Variants in MAK observed in about 807,000 individuals in gnomAD.
The protein encoded by MAK is male germ cell associated kinase, also known as serine/threonine-protein kinase MAK.
Under a neutral mutation model 82.6 loss-of-function variants are expected in MAK, and 65 were observed. The observed-to-expected ratio is 0.79, with a 90% CI of 0.64 to 0.97. The LOEUF (loss-of-function observed/expected upper bound fraction) is 0.97, where lower values mean the gene tolerates loss of function less well. MAK is among the 50% of genes least tolerant of loss of function. MAK has a pLI of 0.00. For missense variants in MAK, 703 were observed against 780.2 expected (o/e 0.90, Z 1.18); for synonymous variants, 250 against 274.2 (o/e 0.91, Z 0.87).
chr6:10,813,133 TAA>T (rs56804203), intron 5 of MAK, among the ~76,000 whole-genome samples: 141 of 1,000 alleles, frequency 0.14, 21 homozygotes, highest in South Asian at 0.6. Flanking sequence ...TATATATATA[TAA>T]ATTTTTTTTT....
chr6:10,830,124 C>CGTGTGTGT lies in MAK; in HGVS notation c.101+416_101+423dup, dbSNP rs35519970. 5.4e-3 allele frequency among the ~76,000 whole-genome samples: 768 copies of CGTGTGTGT among 141,576 alleles called. 8 individuals carry two copies. Among genetic ancestry groups the CGTGTGTGT allele is most frequent in the Admixed American group, 8.4e-3 (118 of 14,096 alleles). The allele number at this position is 141,576 out of a possible 152,430, so 92.9% of individuals were successfully genotyped here. On this transcript the variant is annotated intron_variant, in intron 2 of 14. Coordinates refer to ENST00000354489, the MANE Select transcript of MAK (RefSeq NM_001242957.3). ...AGCCACCGCACACAGCCTGTGTGCACGTGTGTGTGTGTGTGTGTGTGTGTG... is the reference window on the plus strand; with the variant it reads ...AGCCACCGCACACAGCCTGTGTGCACGTGTGTGTGTGTGTGTGTGTGTGTGTGTGTGTG...
chr6:10,832,681 T>G (rs908247252), intron 1 of MAK, among the ~76,000 whole-genome samples: 1 of 152,178 alleles, frequency 6.6e-6, no homozygotes, highest in Non-Finnish European at 1.5e-5. Context: ...GTAATTTTAG[T>G]AGAAACAGGG....
chr6:10,783,591 T>C (rs1774207858), intron 11 of MAK, among the ~76,000 whole-genome samples: 1 of 152,216 alleles, frequency 6.6e-6, no homozygotes, highest in Non-Finnish European at 1.5e-5. Context: ...CTTGTACCTC[T>C]GCCACTTCCA....
At chr6:10,806,350 A>ATTTTTT (rs2127561564) in intron 6 of MAK, among the ~76,000 whole-genome samples, 1 of 28,664 alleles carries the variant, frequency 3.5e-5, no homozygotes, top group Non-Finnish European at 1.0e-4. Context: ...TGTTTTTGAG[A>ATTTTTT]CAGAGTCTTG....
chr6:10,792,858 C>A (rs1775203736), intron 9 of MAK, among the ~76,000 whole-genome samples: 1 of 152,030 alleles, frequency 6.6e-6, no homozygotes, highest in South Asian at 2.1e-4. Context: ...ACAACAATCT[C>A]CAGAATAAAG....
chr6:10,787,036 A>G (rs1401412085), intron 10 of MAK, among the ~76,000 whole-genome samples: 1 of 131,324 alleles, frequency 7.6e-6, no homozygotes, highest in African/African-American at 3.5e-5. Context: ...CCTATTCACC[A>G]CTCCGCTAAT....
chr6:10,833,675 T>G (rs1778972375), intron 1 of MAK, among the ~76,000 whole-genome samples: 1 of 152,000 alleles, frequency 6.6e-6, no homozygotes. Context: ...TTACTTCATG[T>G]AGGTAACAAT....
intron 2 of MAK, among the ~76,000 whole-genome samples, chr6:10,830,259 G>A (rs895701478): frequency 5.4e-5 from 8 of 148,726 alleles, no homozygotes; most frequent in Middle Eastern, 3.8e-3. Context: ...TCCACCTCCT[G>A]GGTTCAAGCA....
At chr6:10,772,436 C>T (rs1190560740) in intron 13 of MAK, among the ~76,000 whole-genome samples, 3 of 151,884 alleles carry the variant, frequency 2.0e-5, no homozygotes, top group Admixed American at 6.6e-5. Context: ...CTCCGCCTCC[C>T]GGGTTCAAGC....
At chr6:10,829,291 T>A (rs1223326772) in intron 2 of MAK, 1 of 152,260 alleles carries the variant, frequency 6.6e-6, no homozygotes, top group African/African-American at 2.4e-5. Flanking sequence ...TTCTATTTCA[T>A]AAGTTCAGGA....
chr6:10,766,187 A>G (rs1004806838), intron 14 of MAK, among the ~76,000 whole-genome samples: 1 of 152,222 alleles, frequency 6.6e-6, no homozygotes, highest in African/African-American at 2.4e-5. Flanking sequence ...TAATACTGAA[A>G]TGAATCTGAC....
chr6:10,800,675 A>G lies in MAK; in HGVS notation c.831+1217T>C, dbSNP rs749146475. 6.6e-6 allele frequency among the ~76,000 whole-genome samples: 1 copy of G among 152,162 alleles called. No individual in the cohort carries two copies. Among genetic ancestry groups the G allele is most frequent in the South Asian group, 2.1e-4 (1 of 4,812 alleles). On this transcript the variant is annotated intron_variant, in intron 8 of 14. Transcript: ENST00000354489. This position sits in a 1 kb window ranked among gnomAD's most constrained non-coding sequence, Gnocchi z 4.2. ...ACCAACATGGAGAAACCCTGTCTCT[A>G]CTAAAAATACAAAATTAGCCAGGCG...
In MAK at chr6:10,796,214, T is replaced by G. The variant is rs1775544515; in HGVS notation, c.927A>C (p.Pro309=). Residue 309 remains proline, a synonymous_variant, in exon 9 of 15, where the codon CCA becomes CCC. Transcript: ENST00000354489. ...CAACTAAAGATGGCTTTGATTCTAATGGTTGCAGCTGCTTATTTAAAGACT... is the reference window on the plus strand; with the variant it reads ...CAACTAAAGATGGCTTTGATTCTAAGGGTTGCAGCTGCTTATTTAAAGACT... ...SKQSLNKQLQ[P]LESKPSLVEV... The G allele has an allele frequency of 1.2e-6, 2 of 1,614,094 alleles. No homozygotes were observed. The highest frequency in any genetic ancestry group is 1.3e-5 in the African/African-American group (1 of 74,932).
In MAK at chr6:10,819,268, T is replaced by A. The variant is rs566822461; in HGVS notation, c.102-328A>T. ...CTCTTTTTAGAACTTAAGAGGCCCA[T>A]AAAGTTAAATGTCTCCCTACTTAAA... On this transcript the variant is annotated intron_variant, in intron 2 of 14. Transcript: ENST00000354489. Among the ~76,000 whole-genome samples the A allele has an allele frequency of 2.0e-5, 3 of 152,338 alleles. No individual in the cohort carries two copies. In the South Asian group the frequency reaches 6.2e-4, roughly 32 times the overall value.
chr6:10,765,834 T>C (rs2127503252), intron 14 of MAK, among the ~76,000 whole-genome samples: 1 of 152,304 alleles, frequency 6.6e-6, no homozygotes, highest in East Asian at 1.9e-4. Flanking sequence ...CACAATTCCC[T>C]TAAATGGTAG....
At chr6:10,777,595 GT>G (rs1194346524) in intron 11 of MAK, among the ~76,000 whole-genome samples, 1 of 151,578 alleles carries the variant, frequency 6.6e-6, no homozygotes, top group Non-Finnish European at 1.5e-5. Flanking sequence ...AAAGTAAAAG[GT>G]AAGTAAATTA....
chr6:10,765,677 C>T (rs1772365313), intron 14 of MAK, among the ~76,000 whole-genome samples: 1 of 152,008 alleles, frequency 6.6e-6, no homozygotes, highest in African/African-American at 2.4e-5. Flanking sequence ...CCAGGCTGGT[C>T]TGGAACTCCT....
intron 7 of MAK, 97 bp from the exon 8 acceptor site, chr6:10,802,156 T>A: frequency 2.2e-6 from 2 of 896,004 alleles, no homozygotes; most frequent in Middle Eastern, 2.7e-4. Context: ...ACATCATTTA[T>A]GTTTGAACAT....
At chr6:10,832,443 T>C (rs1053776888) in intron 1 of MAK, among the ~76,000 whole-genome samples, 2 of 152,248 alleles carry the variant, frequency 1.3e-5, no homozygotes, top group East Asian at 1.9e-4. Context: ...GCAAATACCA[T>C]TGTTGTCTCA....
Sources: allele counts gnomAD v4.1 joint callset (sites outside exome capture counted in the v4.1 genomes callset), GRCh38; gene constraint gnomAD v4.1.1; non-coding constraint Gnocchi (gnomAD v3.1); transcripts MANE v1.5; gene names NCBI Gene and HGNC (gene_info 2026-07-23, HGNC 2026-07-21).